EDN1: variants seen among roughly 807,000 people sequenced by gnomAD.
EDN1 encodes the protein endothelin-1.
A neutral mutation model predicts 21.7 loss-of-function variants in EDN1; 11 were observed. That is an observed-to-expected ratio of 0.51 (90% CI 0.32 to 0.84). The LOEUF is 0.84. EDN1 is among the 40% of genes least tolerant of loss of function. EDN1 has a pLI of 0.03. For missense variants in EDN1, 244 were observed against 262.3 expected (o/e 0.93, Z 0.48); for synonymous variants, 85 against 90.6 (o/e 0.94, Z 0.35).
the EDN1 span, among the ~76,000 whole-genome samples, chr6:12,261,603 C>G: frequency 2.0e-5 from 3 of 152,170 alleles, no homozygotes; most frequent in Non-Finnish European, 2.9e-5. Flanking sequence ...TGAATATTCA[C>G]ACAGGGGATA....
At chr6:12,230,635 C>G in the EDN1 span, among the ~76,000 whole-genome samples, 1 of 152,114 alleles carries the variant, frequency 6.6e-6, no homozygotes, top group African/African-American at 2.4e-5. Context: ...AGGATAAGGG[C>G]TGAAACGAGA....
chr6:12,240,117 T>C, the EDN1 span, among the ~76,000 whole-genome samples: 1 of 152,194 alleles, frequency 6.6e-6, no homozygotes, highest in African/African-American at 2.4e-5. Context: ...TGCCATGAAA[T>C]TTTGTATTGA....
chr6:12,273,975 AT>A, the EDN1 span, among the ~76,000 whole-genome samples: 12 of 152,122 alleles, frequency 7.9e-5, no homozygotes, highest in African/African-American at 2.9e-4. Flanking sequence ...AGGGTGGATT[AT>A]TTTCTTACCC....
chr6:12,251,378 A>G, the EDN1 span, among the ~76,000 whole-genome samples: 108 of 152,348 alleles, frequency 7.1e-4, 4 homozygotes, highest in East Asian at 0.015. Context: ...ACGTGAATCA[A>G]TGTGAATGAT....
rs10478695 is a variant in EDN1, at chr6:12,290,701, C to G, written c.64+8C>G. The G allele has an allele frequency of 1.9e-6, 3 of 1,611,320 alleles. No homozygotes were observed. The highest frequency in any genetic ancestry group is 2.2e-5 in the East Asian group (1 of 44,856). On this transcript the variant is annotated splice_region_variant and intron_variant, in intron 1 of 4. Transcript: ENST00000379375. The stretch of plus-strand genomic sequence containing the variant: ...AAGGAGCTCCAGAAACAGGTAGGCA[C>G]GCTCGTTGACTTGTAAGTCTCGGAA...
the EDN1 span, among the ~76,000 whole-genome samples, chr6:12,280,980 CTCAGA>C: frequency 6.6e-6 from 1 of 152,150 alleles, no homozygotes; most frequent in African/African-American, 2.4e-5. Context: ...TGCCTTTTTT[CTCAGA>C]TCAATTTTTT....
the EDN1 span, among the ~76,000 whole-genome samples, chr6:12,268,493 A>C: frequency 6.6e-6 from 1 of 152,176 alleles, no homozygotes; most frequent in South Asian, 2.1e-4. Context: ...AATATTTGTA[A>C]TGATGAGAGA....
intron 2 of EDN1, among the ~76,000 whole-genome samples, chr6:12,292,710 G>A (rs926653634): frequency 3.3e-5 from 5 of 152,224 alleles, no homozygotes; most frequent in East Asian, 3.9e-4. Context: ...GTCTTCTGAG[G>A]CCCCGTAGCT....
the EDN1 span, among the ~76,000 whole-genome samples, chr6:12,285,312 C>T: frequency 1.3e-5 from 2 of 152,218 alleles, no homozygotes; most frequent in African/African-American, 2.4e-5. Flanking sequence ...CCGTTAAAAA[C>T]TTTTTGGGAT....
the EDN1 span, among the ~76,000 whole-genome samples, chr6:12,238,374 G>A: frequency 6.6e-6 from 1 of 152,098 alleles, no homozygotes; most frequent in Admixed American, 6.5e-5. Flanking sequence ...CCTGCGTCAT[G>A]GGGAAAGTGA....
chr6:12,254,036 C>T, the EDN1 span, among the ~76,000 whole-genome samples: 6 of 152,104 alleles, frequency 3.9e-5, no homozygotes, highest in African/African-American at 1.4e-4. Flanking sequence ...TTCATCAAAT[C>T]TACTATCCAT....
At chr6:12,250,122 C>T in the EDN1 span, among the ~76,000 whole-genome samples, 2 of 151,728 alleles carry the variant, frequency 1.3e-5, no homozygotes, top group Admixed American at 1.3e-4. Context: ...CTGACCCATG[C>T]ACTCTTATGT....
chr6:12,275,341 G>T, the EDN1 span, among the ~76,000 whole-genome samples: 2 of 152,206 alleles, frequency 1.3e-5, no homozygotes, highest in Non-Finnish European at 2.9e-5. Context: ...GCAGGAGAGG[G>T]ATGTGATAGA....
intron 4 of EDN1, 87 bp from the exon 5 acceptor site, chr6:12,295,875 G>A: frequency 7.3e-7 from 1 of 1,376,586 alleles, no homozygotes; most frequent in South Asian, 1.2e-5. Flanking sequence ...GGTTTTGTTT[G>A]TGCCAGATTC....
the EDN1 span, among the ~76,000 whole-genome samples, chr6:12,267,882 A>T: frequency 3.3e-5 from 5 of 152,214 alleles, no homozygotes; most frequent in African/African-American, 4.8e-5. Context: ...CTTTATGTTG[A>T]AGCCAATGCC....
chr6:12,274,830 C>G, the EDN1 span, among the ~76,000 whole-genome samples: 1 of 152,264 alleles, frequency 6.6e-6, no homozygotes, highest in Admixed American at 6.5e-5. Flanking sequence ...TCTAACTTCA[C>G]TCTCAAGAAT....
chr6:12,284,598 G>T, the EDN1 span, among the ~76,000 whole-genome samples: 68 of 134,754 alleles, frequency 5.0e-4, no homozygotes, highest in African/African-American at 1.8e-3. Context: ...AAGAAAGAAA[G>T]AAAGAGAAAG....
At chr6:12,291,644 C>T (rs946577685) in intron 1 of EDN1, among the ~76,000 whole-genome samples, 9 of 152,134 alleles carry the variant, frequency 5.9e-5, no homozygotes, top group Non-Finnish European at 1.3e-4. Context: ...CCACACAAGC[C>T]TGATGCCCAG....
the EDN1 span, among the ~76,000 whole-genome samples, chr6:12,261,005 A>G: frequency 6.6e-6 from 1 of 152,144 alleles, no homozygotes; most frequent in East Asian, 1.9e-4. Flanking sequence ...AAAGACTTTG[A>G]CCCTACTTTT....
Sources: allele counts gnomAD v4.1 joint callset (sites outside exome capture counted in the v4.1 genomes callset), GRCh38; gene constraint gnomAD v4.1.1; transcripts MANE v1.5; gene names NCBI Gene and HGNC (gene_info 2026-07-23, HGNC 2026-07-21).